The following ZNF652 variants were observed in gnomAD, a reference collection of about 807,000 sequenced individuals.
The protein encoded by ZNF652 is zinc finger protein 652.
In ZNF652, 16 loss-of-function variants were observed where a neutral mutation model predicts 45.2. That is an observed-to-expected ratio of 0.35 (90% CI 0.24 to 0.54). The LOEUF (loss-of-function observed/expected upper bound fraction) is 0.54. ZNF652 is among the 20% of genes least tolerant of loss of function. The probability of loss-of-function intolerance (pLI) is 0.91; values close to 1 mark genes in which losing one functional copy is unlikely to be tolerated. For missense variants in ZNF652, 614 were observed against 765.6 expected, an observed-to-expected ratio of 0.80 and a Z score of 2.34; for synonymous variants, 250 against 260.6, an observed-to-expected ratio of 0.96 and a Z score of 0.39.
chr17:49,310,922 A>C (rs2069701826), intron 5 of ZNF652, among the ~76,000 whole-genome samples: 1 of 152,064 alleles, frequency 6.6e-6, no homozygotes, highest in Non-Finnish European at 1.5e-5. Context: ...CAAAACAAAA[A>C]ACAGAGAGAG....
intron 1 of ZNF652, among the ~76,000 whole-genome samples, chr17:49,338,460 G>A (rs972745241): frequency 2.0e-5 from 3 of 152,186 alleles, no homozygotes; most frequent in East Asian, 1.9e-4. Flanking sequence ...GAAAAGAAGA[G>A]GGGTCCTGAC....
Position 49,293,387 on chromosome 17 carries a change from G to A in ZNF652, c.*5026C>T, listed in dbSNP as rs554039892. Among the ~76,000 whole-genome samples the A allele has an allele frequency of 6.6e-5, 10 of 151,928 alleles. No homozygotes were observed. The highest frequency in any genetic ancestry group is 2.2e-4 in the African/African-American group (9 of 41,376). The stretch of plus-strand genomic sequence containing the variant: ...GAATCTTGCAAAACCTATCCTCTGA[G>A]ACAAAAAGATCTGATCATAAAGTCT... On this transcript the variant is annotated 3_prime_UTR_variant, in exon 6 of 6. Transcript: ENST00000430262.
chr17:49,306,051 T>C (rs550589490), intron 5 of ZNF652, among the ~76,000 whole-genome samples: 3 of 152,238 alleles, frequency 2.0e-5, no homozygotes, highest in Non-Finnish European at 4.4e-5. Context: ...TAGGTATTAC[T>C]GTCATTCTTA....
chr17:49,335,049 T>C (rs1164485902), intron 1 of ZNF652, among the ~76,000 whole-genome samples: 2 of 152,266 alleles, frequency 1.3e-5, no homozygotes, highest in South Asian at 2.1e-4. Context: ...ACATAGGTGA[T>C]GGTTGCACAA....
At chr17:49,335,826 T>C (rs978916875) in intron 1 of ZNF652, among the ~76,000 whole-genome samples, 16 of 152,104 alleles carry the variant, frequency 1.1e-4, no homozygotes, top group Non-Finnish European at 1.9e-4. Flanking sequence ...ATGGAATAGG[T>C]AGGTTTTTCT....
At chr17:49,333,926 T>C (rs566971976) in intron 1 of ZNF652, among the ~76,000 whole-genome samples, 1 of 151,936 alleles carries the variant, frequency 6.6e-6, no homozygotes, top group Non-Finnish European at 1.5e-5. Context: ...CATATGTTAC[T>C]GGTAGGAATA....
chr17:49,309,757 C>T (rs904264679), intron 5 of ZNF652, among the ~76,000 whole-genome samples: 2 of 152,076 alleles, frequency 1.3e-5, no homozygotes, highest in Admixed American at 6.6e-5. Flanking sequence ...AATAAAACTG[C>T]TCTCATGACT....
At position 49,317,397 on chromosome 17, in the gene ZNF652, ACTT is replaced by A. The variant is rs761164341; in HGVS notation, c.326_328del (p.Glu109del). On this transcript the variant is annotated inframe_deletion, in exon 2 of 6. Transcript: ENST00000430262. ...TATGATCTGCTCCCTTTTGTAAGAG[ACTT>A]CTTCCTCTTCCTCCTCTGTGTCATC... is the stretch of plus-strand genomic sequence containing the variant. The A allele has an allele frequency of 8.7e-6, 14 of 1,613,812 alleles. No individual in the cohort carries two copies. The highest frequency in any genetic ancestry group is 1.3e-5 in the African/African-American group (1 of 74,822).
At chr17:49,340,567 A>G (rs929051428) in intron 1 of ZNF652, among the ~76,000 whole-genome samples, 42 of 122,818 alleles carry the variant, frequency 3.4e-4, no homozygotes, top group Admixed American at 8.6e-4. Flanking sequence ...AAAAAAAAAA[A>G]AAAAGAAAGA....
chr17:49,313,322 A>AT (rs1159542714), intron 2 of ZNF652, among the ~76,000 whole-genome samples: 1 of 151,410 alleles, frequency 6.6e-6, no homozygotes, highest in African/African-American at 2.4e-5. Context: ...TTCCCGGCTA[A>AT]TTTTTTTTGT....
In ZNF652 at chr17:49,304,906, A is replaced by ACACG. The variant is rs370227458; in HGVS notation, c.1310-5983_1310-5982insCGTG. 8.3e-4 allele frequency among the ~76,000 whole-genome samples: 126 copies of ACACG among 151,340 alleles called. 1 individual carries two copies. The highest frequency in any genetic ancestry group is 3.4e-3 in the Middle Eastern group (1 of 292). On this transcript the variant is annotated intron_variant, in intron 5 of 5. Transcript: ENST00000430262. ...TATATATATATATATACACACACACATACATATATACACACACACATACCT... is the reference window on the plus strand; with the variant it reads ...TATATATATATATATACACACACACACACGTACATATATACACACACACATACCT...
In ZNF652 at chr17:49,317,277, C is replaced by A; in HGVS notation, c.449G>T (p.Ser150Ile). The change falls in exon 2 of 6, where the codon AGC (serine) becomes ATC (isoleucine). Residue 150 changes from serine to isoleucine, a missense_variant. By Grantham distance (142) the Ser-to-Ile change is moderately radical (BLOSUM62 -2). Coordinates refer to ENST00000430262, the MANE Select transcript of ZNF652 (RefSeq NM_001145365.3). ...QSKETPVLKT[S>I]SEEEEEESEE... is the part of the protein sequence containing the mutation. The stretch of plus-strand genomic sequence containing the variant: ...ACTCTCTTCCTCTTCCTCCTCACTG[C>A]TTGTCTTAAGAACAGGAGTCTCTTT... 6.2e-7 allele frequency: 1 copy of A among 1,612,820 alleles called. No individual in the cohort carries two copies. Among genetic ancestry groups the A allele is most frequent in the South Asian group, 1.1e-5 (1 of 91,064 alleles).
chr17:49,306,335 TCTTA>T (rs2069628356), intron 5 of ZNF652, among the ~76,000 whole-genome samples: 1 of 152,260 alleles, frequency 6.6e-6, no homozygotes, highest in Non-Finnish European at 1.5e-5. Flanking sequence ...ACATGTTCAC[TCTTA>T]CTTAGTAATT....
intron 1 of ZNF652, among the ~76,000 whole-genome samples, chr17:49,340,269 A>G (rs2070130622): frequency 6.6e-6 from 1 of 152,008 alleles, no homozygotes; most frequent in Non-Finnish European, 1.5e-5. Context: ...AGAAAAATTA[A>G]TCCCAGCTGG....
At chr17:49,356,353 C>A (rs149201370) in intron 1 of ZNF652, among the ~76,000 whole-genome samples, 61 of 127,876 alleles carry the variant, frequency 4.8e-4, no homozygotes, top group African/African-American at 1.6e-3. Context: ...TGCTTGAACC[C>A]GGGAGGCGGA....
intron 1 of ZNF652, among the ~76,000 whole-genome samples, chr17:49,336,993 A>T (rs137870719): frequency 7.0e-6 from 1 of 142,488 alleles, no homozygotes; most frequent in Non-Finnish European, 1.5e-5. Flanking sequence ...GTTGAGTGAA[A>T]TAAAATCTGG....
intron 2 of ZNF652, among the ~76,000 whole-genome samples, chr17:49,313,389 C>T (rs1221501818): frequency 3.3e-5 from 5 of 151,892 alleles, no homozygotes; most frequent in Non-Finnish European, 7.4e-5. Context: ...GATCTTCTGG[C>T]CTCGTGATCC....
intron 1 of ZNF652, among the ~76,000 whole-genome samples, chr17:49,347,903 C>T (rs1340236807): frequency 6.6e-6 from 1 of 151,926 alleles, no homozygotes; most frequent in African/African-American, 2.4e-5. Flanking sequence ...CACCACCACA[C>T]CCAGCTAAGT....
intron 5 of ZNF652, among the ~76,000 whole-genome samples, chr17:49,301,454 C>T (rs1170023994): frequency 1.3e-5 from 2 of 152,130 alleles, no homozygotes; most frequent in African/African-American, 2.4e-5. Flanking sequence ...TGTGCCACCA[C>T]ACCCAGCTAA....
Sources: allele counts gnomAD v4.1 joint callset (sites outside exome capture counted in the v4.1 genomes callset), GRCh38; gene constraint gnomAD v4.1.1; transcripts MANE v1.5; gene names NCBI Gene and HGNC (gene_info 2026-07-23, HGNC 2026-07-21).